The following ARHGEF10 variants were observed in gnomAD, a reference collection of about 807,000 sequenced individuals.
ARHGEF10 encodes Rho guanine nucleotide exchange factor 10, also known as Rho guanine nucleotide exchange factor (GEF) 10.
ARHGEF10 carries 140 observed loss-of-function variants against 147.4 expected under a neutral mutation model. The ratio of observed to expected loss-of-function variants is 0.95; its 90% CI spans 0.83 to 1.09. The LOEUF (loss-of-function observed/expected upper bound fraction) is 1.09. Among genes scored for constraint, ARHGEF10 ranks in the 50% least tolerant of loss-of-function variants. The probability of loss-of-function intolerance (pLI) is 0.00; values close to 1 mark genes in which losing one functional copy is unlikely to be tolerated. For missense variants in ARHGEF10, 2,222 were observed against 1,752.7 expected, an observed-to-expected ratio of 1.27 and a Z score of -4.78; for synonymous variants, 902 against 695.8, an observed-to-expected ratio of 1.30 and a Z score of -4.67.
At chr8:1,896,297 CTG>C (rs1728489100) in intron 13 of ARHGEF10, 34 bp from the exon 14 acceptor site, 2 of 1,444,448 alleles carry the variant, frequency 1.4e-6, no homozygotes, top group South Asian at 2.3e-5. Flanking sequence ...TATCTGGACT[CTG>C]TGATTTCTCT....
Position 1,846,204 on chromosome 8 carries a change from C to T in ARHGEF10, c.37+2768C>T, listed in dbSNP as rs952120553. Among the ~76,000 whole-genome samples, 118 of 152,228 alleles carry T rather than the reference C, an allele frequency of 7.8e-4. 1 individual carries two copies. Among genetic ancestry groups the T allele is most frequent in the Admixed American group, 2.6e-3 (40 of 15,288 alleles). On this transcript the variant is annotated intron_variant, in intron 2 of 28. Transcript: ENST00000349830. Reference sequence around the variant, plus strand: ...GCCCAGCCCTCTGGCGGGTTGGGAGCGAGGCCCCTGCCCTTGCTGACAGGC... The same window carrying T: ...GCCCAGCCCTCTGGCGGGTTGGGAGTGAGGCCCCTGCCCTTGCTGACAGGC...
chr8:1,873,326 G>A lies in ARHGEF10; in HGVS notation c.680-3245G>A, dbSNP rs3824137. Among the ~76,000 whole-genome samples, 147 of 152,232 alleles carry A rather than the reference G, an allele frequency of 9.7e-4. No individual in the cohort carries two copies. In the East Asian group the frequency reaches 0.016, roughly 17 times the overall value. ...CACAGCACGGCAGCAGAAAAACGAG[G>A]AAATTATATGTGTGTATGTTTATAA... is the stretch of plus-strand genomic sequence containing the variant. On this transcript the variant is annotated intron_variant, in intron 7 of 28. Coordinates refer to ENST00000349830, the MANE Select transcript of ARHGEF10 (RefSeq NM_014629.4).
chr8:1,851,774 C>T (rs1052792368), intron 2 of ARHGEF10, among the ~76,000 whole-genome samples: 10 of 151,972 alleles, frequency 6.6e-5, no homozygotes, highest in Admixed American at 3.9e-4. Context: ...CTTAGCCAGG[C>T]GTGGTGGCTC....
intron 2 of ARHGEF10, among the ~76,000 whole-genome samples, chr8:1,847,503 A>T (rs75808040): frequency 8.3e-4 from 127 of 152,358 alleles, no homozygotes; most frequent in African/African-American, 2.9e-3. Flanking sequence ...TTCACAAAAA[A>T]TCATTTACCA....
intron 26 of ARHGEF10, among the ~76,000 whole-genome samples, chr8:1,938,824 C>A (rs933231230): frequency 6.6e-6 from 1 of 152,070 alleles, no homozygotes; most frequent in African/African-American, 2.4e-5. Flanking sequence ...CCAGAGATCC[C>A]CGAACACTGT....
chr8:1,894,462 T>G lies in ARHGEF10; in HGVS notation c.1330T>G (p.Tyr444Asp). The G allele has an allele frequency of 6.2e-7, 1 of 1,614,234 alleles. No homozygotes were observed. Among genetic ancestry groups the G allele is most frequent in the Non-Finnish European group, 8.5e-7 (1 of 1,180,032 alleles). Reference sequence around the variant, plus strand: ...TGAGAGGAAGCTGAAGACGGTGTTCTACCGAGTCAAAGAGATCCTGCAGTG... The same window carrying G: ...TGAGAGGAAGCTGAAGACGGTGTTCGACCGAGTCAAAGAGATCCTGCAGTG... ...LSERKLKTVF[Y>D]RVKEILQCHS... Residue 444 changes from tyrosine to aspartate, a missense_variant, in exon 13 of 29, where the codon TAC becomes GAC. Coordinates refer to ENST00000349830, the MANE Select transcript of ARHGEF10 (RefSeq NM_014629.4).
chr8:1,835,033 G>T (rs1192682789), intron 1 of ARHGEF10, among the ~76,000 whole-genome samples: 1 of 152,258 alleles, frequency 6.6e-6, no homozygotes, highest in Non-Finnish European at 1.5e-5. Context: ...TCTGAGCTCG[G>T]CTCGGTCGGG....
At chr8:1,831,245 T>G (rs1333257639) in intron 1 of ARHGEF10, among the ~76,000 whole-genome samples, 2 of 140,094 alleles carry the variant, frequency 1.4e-5, no homozygotes, top group Admixed American at 7.3e-5. Context: ...GTGACATCCG[T>G]GGAGGGACAG....
At chr8:1,863,866 A>G (rs1806358299) in intron 4 of ARHGEF10, among the ~76,000 whole-genome samples, 1 of 151,426 alleles carries the variant, frequency 6.6e-6, no homozygotes, top group South Asian at 2.1e-4. Flanking sequence ...GAGGGATGTG[A>G]GCGTGTGCCA....
intron 21 of ARHGEF10, 135 bp downstream of exon 21, chr8:1,924,009 A>T: frequency 1.1e-6 from 1 of 885,354 alleles, no homozygotes; most frequent in Non-Finnish European, 1.8e-6. Context: ...GTTTCTAAAC[A>T]GGAAAATTCA....
At chr8:1,951,736 A>G (rs1815065680) in intron 27 of ARHGEF10, among the ~76,000 whole-genome samples, 1 of 152,256 alleles carries the variant, frequency 6.6e-6, no homozygotes, top group Admixed American at 6.5e-5. Context: ...GGGGCTAAAC[A>G]GAGAAACACT....
chr8:1,922,964 A>G lies in ARHGEF10; in HGVS notation c.2144A>G (p.Asn715Ser). 1 of 1,607,576 alleles carries G rather than the reference A, an allele frequency of 6.2e-7. No homozygotes were observed. The highest frequency in any genetic ancestry group is 8.5e-7 in the Non-Finnish European group (1 of 1,174,822). The change falls in exon 19 of 29, where the codon AAC (asparagine) becomes AGC (serine). Residue 715 changes from asparagine to serine, a missense_variant and splice_region_variant. Asn to Ser is a conservative substitution (Grantham distance 46, BLOSUM62 1). Coordinates refer to ENST00000349830, the MANE Select transcript of ARHGEF10 (RefSeq NM_014629.4). The part of the protein sequence containing the change: ...SLAVVANAKP[N>S]KVYMGPGQLY... ...TTTTTTCTTTTTGCTTATTTTGTAG[A>G]CAAAGTTTACATGGGGCCAGGACAA...
At chr8:1,954,098 T>C (rs1815285666) in intron 28 of ARHGEF10, among the ~76,000 whole-genome samples, 1 of 152,190 alleles carries the variant, frequency 6.6e-6, no homozygotes, top group African/African-American at 2.4e-5. Flanking sequence ...CTCCAATTTT[T>C]TTTTTTTCTT....
intron 26 of ARHGEF10, among the ~76,000 whole-genome samples, chr8:1,939,266 C>A (rs111597392): frequency 2.6e-5 from 4 of 152,232 alleles, no homozygotes; most frequent in African/African-American, 9.6e-5. Context: ...AGAAGCCATG[C>A]CCAACATCAG....
intron 10 of ARHGEF10, among the ~76,000 whole-genome samples, chr8:1,883,605 C>G (rs561023267): frequency 6.6e-6 from 1 of 152,288 alleles, no homozygotes; most frequent in African/African-American, 2.4e-5. Flanking sequence ...CCTAATGAAG[C>G]CCTCGGCATC....
intron 18 of ARHGEF10, among the ~76,000 whole-genome samples, chr8:1,915,726 A>C (rs1210072534): frequency 6.6e-6 from 1 of 152,240 alleles, no homozygotes; most frequent in Admixed American, 6.5e-5. Flanking sequence ...CACACCCTTC[A>C]AACTCTCTGT....
chr8:1,875,879 A>G (rs1274860296), intron 7 of ARHGEF10, among the ~76,000 whole-genome samples: 1 of 152,258 alleles, frequency 6.6e-6, no homozygotes, highest in Admixed American at 6.5e-5. Context: ...TGCATAAAGA[A>G]TAAATTTAAT....
intron 6 of ARHGEF10, among the ~76,000 whole-genome samples, chr8:1,867,700 G>C (rs905474401): frequency 1.3e-5 from 2 of 151,898 alleles, no homozygotes; most frequent in Non-Finnish European, 2.9e-5. Flanking sequence ...AGATTTACTT[G>C]TTTTTTTTAA....
chr8:1,857,952 CTTT>C lies in ARHGEF10; in HGVS notation c.38-5_38-3del, dbSNP rs1563185786. On this transcript the variant is annotated splice_polypyrimidine_tract_variant and splice_region_variant and intron_variant, in intron 2 of 28. Transcript: ENST00000349830. The stretch of plus-strand genomic sequence containing the variant: ...TCTCCTTGATGTGGTTTTGGTTTTT[CTTT>C]TTAGAAAATGAAATGAAATATGATA... 6.3e-7 allele frequency: 1 copy of C among 1,594,540 alleles called. No homozygotes were observed. The highest frequency in any genetic ancestry group is 1.3e-5 in the African/African-American group (1 of 74,758).
Sources: allele counts gnomAD v4.1 joint callset (sites outside exome capture counted in the v4.1 genomes callset), GRCh38; gene constraint gnomAD v4.1.1; transcripts MANE v1.5; gene names NCBI Gene and HGNC (gene_info 2026-07-23, HGNC 2026-07-21).